Variants in GAL3ST2 observed in about 807,000 individuals in gnomAD.
GAL3ST2 encodes galactose-3-O-sulfotransferase 2, also known as beta-galactose-3-O-sulfotransferase 2.
GAL3ST2 carries 16 observed loss-of-function variants against 12.9 expected under a neutral mutation model. The observed-to-expected ratio is 1.24, with a 90% CI of 0.84 to 1.88. GAL3ST2 has a LOEUF of 1.88. GAL3ST2 is among the 40% of genes most tolerant of loss of function. The pLI is 0.00. For missense variants in GAL3ST2, 639 were observed against 571.8 expected (o/e 1.12, Z -1.20); for synonymous variants, 302 against 273.9 (o/e 1.10, Z -1.01).
chr2:241,796,979 T>A (rs953005770), intron 1 of GAL3ST2, among the ~76,000 whole-genome samples: 1 of 152,174 alleles, frequency 6.6e-6, no homozygotes, highest in African/African-American at 2.4e-5. Flanking sequence ...GCTGTTAGCA[T>A]GCACCTGGCC....
In GAL3ST2 at chr2:241,781,808, G is replaced by A. The variant is rs371936996; in HGVS notation, c.29+4824G>A. Among the ~76,000 whole-genome samples the A allele has an allele frequency of 1.3e-3, 193 of 152,310 alleles. 3 individuals are homozygous for A. The highest frequency in any genetic ancestry group is 4.2e-3 in the African/African-American group (176 of 41,566). On this transcript the variant is annotated intron_variant, in intron 1 of 3. Coordinates refer to ENST00000192314, the MANE Select transcript of GAL3ST2 (RefSeq NM_022134.3). ...CCTAATGTCTTAAAGGATTAATTAG[G>A]TCAGAAAAAGACGTAATTTATAATT...
chr2:241,780,243 G>A (rs978761716), intron 1 of GAL3ST2, among the ~76,000 whole-genome samples: 1 of 151,886 alleles, frequency 6.6e-6, no homozygotes, highest in Admixed American at 6.6e-5. Flanking sequence ...TTTTTTGGTT[G>A]GGTGTGGTGG....
chr2:241,777,121 C>T, intron 1 of GAL3ST2, 137 bp downstream of exon 1: 1 of 751,192 alleles, frequency 1.3e-6, no homozygotes, highest in Non-Finnish European at 1.9e-6. Flanking sequence ...CTCAGGCTTC[C>T]CTGAATTCAC....
Position 241,802,894 on chromosome 2 carries a change from G to C in GAL3ST2, c.376-451G>C, listed in dbSNP as rs1464980294. On this transcript the variant is annotated intron_variant, in intron 3 of 3. Transcript: ENST00000192314. The surrounding 1 kb of genome is among the most constrained non-coding windows in gnomAD (Gnocchi z 4.8). ...ACCTTCTCTGGGCCTCAGTTTCTTTGTCTGTTAGGTGGGTGTCACCCTGGC... is the reference window on the plus strand; with the variant it reads ...ACCTTCTCTGGGCCTCAGTTTCTTTCTCTGTTAGGTGGGTGTCACCCTGGC... Among the ~76,000 whole-genome samples, 1 of 152,222 alleles carries C rather than the reference G, an allele frequency of 6.6e-6. No homozygotes were observed. Among genetic ancestry groups the C allele is most frequent in the East Asian group, 1.9e-4 (1 of 5,172 alleles).
At position 241,800,349 on chromosome 2, in the gene GAL3ST2, AGCGGGCACTTC is replaced by A. The variant is rs1699826710; in HGVS notation, c.119+1197_119+1207del. Among the ~76,000 whole-genome samples, 1 of 121,982 alleles carries A rather than the reference AGCGGGCACTTC, an allele frequency of 8.2e-6. No homozygotes were observed. Among genetic ancestry groups the A allele is most frequent in the Admixed American group, 9.9e-5 (1 of 10,144 alleles). 80.0% of individuals were successfully genotyped at this position (121,982 alleles called of 152,430 possible). A position where few individuals can be genotyped will look rare whatever the true frequency, so the allele number is the denominator to read the frequency against. ...AGCACAGCCGCCGACCCAGGCTGGG[AGCGGGCACTTC>A]GAGGGAGGGGGTGGGACAGGGGCTT... On this transcript the variant is annotated intron_variant, in intron 2 of 3. Coordinates refer to ENST00000192314, the MANE Select transcript of GAL3ST2 (RefSeq NM_022134.3). The surrounding 1 kb of genome is among the most constrained non-coding windows in gnomAD (Gnocchi z 5.2).
rs1462224176 is a variant in GAL3ST2, at chr2:241,802,046, G to A, written c.375+10G>A. ...GTTCAACCTGCCTCAGGTACCGCGG[G>A]CCTGCTGGGGAGGAGGGCGGGCTGC... On this transcript the variant is annotated intron_variant, in intron 3 of 3. Coordinates refer to ENST00000192314, the MANE Select transcript of GAL3ST2 (RefSeq NM_022134.3). This position sits in a 1 kb window ranked among gnomAD's most constrained non-coding sequence, Gnocchi z 4.8. The A allele has an allele frequency of 5.0e-6, 8 of 1,602,724 alleles. No individual in the cohort carries two copies. Among genetic ancestry groups the A allele is most frequent in the Non-Finnish European group, 6.8e-6 (8 of 1,174,988 alleles).
chr2:241,787,079 T>G (rs1699635421), intron 1 of GAL3ST2, among the ~76,000 whole-genome samples: 1 of 152,182 alleles, frequency 6.6e-6, no homozygotes, highest in Admixed American at 6.5e-5. Context: ...TATCTACCTA[T>G]GACCTGGAAG....
Position 241,800,101 on chromosome 2 carries a change from C to T in GAL3ST2, c.119+947C>T, listed in dbSNP as rs117858952. Among the ~76,000 whole-genome samples the T allele has an allele frequency of 2.4e-3, 367 of 152,250 alleles. 15 individuals are homozygous for T. The East Asian group carries it at 0.052, about 21-fold the overall frequency. On this transcript the variant is annotated intron_variant, in intron 2 of 3. Transcript: ENST00000192314. This position sits in a 1 kb window ranked among gnomAD's most constrained non-coding sequence, Gnocchi z 5.2. ...TGTGTGGGCCAGAGTGTGTAGCCCC[C>T]GAGGGAAACAGGGATGGGTCTGAGG... is the stretch of plus-strand genomic sequence containing the variant.
In GAL3ST2 at chr2:241,803,741, G is replaced by A. The variant is rs1047354739; in HGVS notation, c.772G>A (p.Ala258Thr). 3.9e-6 allele frequency: 6 copies of A among 1,527,252 alleles called. No individual in the cohort carries two copies. The African/African-American group carries it at 7.2e-5, about 18-fold the overall frequency. The allele number at this position is 1,527,252 out of a possible 1,614,324, so 94.6% of individuals were successfully genotyped here. A position where few individuals can be genotyped will look rare whatever the true frequency, so the allele number is the denominator to read the frequency against. The change falls in exon 4 of 4, where the codon GCG (alanine) becomes ACG (threonine). Residue 258 changes from alanine (A) to threonine (T), a missense_variant. Physicochemically the swap from Ala to Thr is moderately conservative, Grantham distance 58. Transcript: ENST00000192314. ...VVAFRLNSRS[A>T]RSVARLSPET... ...GGCCTTCAGGCTCAACTCCCGCAGC[G>A]CGCGCTCCGTGGCCCGCCTGTCGCC...
chr2:241,803,964 C>T lies in GAL3ST2; in HGVS notation c.995C>T (p.Thr332Met), dbSNP rs1025316588. ...GACGGCGGCGCGCTCAAGAACCACA[C>T]GCAGATCAGAGACCCGCGCCTGCGC... The part of the protein sequence containing the change: ...LQDGGALKNH[T>M]QIRDPRLRPY... The change falls in exon 4 of 4, where the codon ACG becomes ATG. Residue 332 changes from threonine (T) to methionine (M), a missense_variant. By Grantham distance (81) the Thr-to-Met change is moderately conservative. Coordinates refer to ENST00000192314, the MANE Select transcript of GAL3ST2 (RefSeq NM_022134.3). 7 of 1,518,126 alleles carry T rather than the reference C, an allele frequency of 4.6e-6. No homozygotes were observed. The African/African-American group carries it at 5.7e-5, about 12-fold the overall frequency. The allele number at this position is 1,518,126 out of a possible 1,614,324, so 94.0% of individuals were successfully genotyped here. A position where few individuals can be genotyped will look rare whatever the true frequency, so the allele number is the denominator to read the frequency against.
Position 241,795,981 on chromosome 2 carries a change from G to A in GAL3ST2, c.30-3084G>A, listed in dbSNP as rs532467495. Among the ~76,000 whole-genome samples, 10 of 152,310 alleles carry A rather than the reference G, an allele frequency of 6.6e-5. No homozygotes were observed. Among genetic ancestry groups the A allele is most frequent in the African/African-American group, 1.9e-4 (8 of 41,568 alleles). On this transcript the variant is annotated intron_variant, in intron 1 of 3. Coordinates refer to ENST00000192314, the MANE Select transcript of GAL3ST2 (RefSeq NM_022134.3). The surrounding 1 kb of genome is among the most constrained non-coding windows in gnomAD (Gnocchi z 4.5). ...GGGAGGGCCTGGAAGCTCCTGTCCC[G>A]TCTCCTAGAAGCGTGGCTGTGGTGG...
intron 1 of GAL3ST2, among the ~76,000 whole-genome samples, chr2:241,791,878 C>T (rs781498745): frequency 3.3e-5 from 5 of 152,048 alleles, no homozygotes; most frequent in Non-Finnish European, 7.4e-5. Context: ...CTAATGTTTT[C>T]AAGTTTTATT....
At chr2:241,783,440 G>A (rs1699589368) in intron 1 of GAL3ST2, among the ~76,000 whole-genome samples, 1 of 150,726 alleles carries the variant, frequency 6.6e-6, no homozygotes, top group Non-Finnish European at 1.5e-5. Context: ...AAAATCCTCT[G>A]TATTGTTATA....
chr2:241,799,589 G>T (rs868141910), intron 2 of GAL3ST2, among the ~76,000 whole-genome samples: 5 of 152,320 alleles, frequency 3.3e-5, no homozygotes, highest in Non-Finnish European at 5.9e-5. Flanking sequence ...CCTCTGTGGA[G>T]CCCCTGCTGC....
rs767237194 is a variant in GAL3ST2 at position 241,799,081 on chromosome 2, C to A, written c.46C>A (p.Leu16Ile). The part of the protein sequence containing the change: ...GGLQRYFRVI[L>I]LLLLALTLLL... ...TTTCCACAGATACTTCCGGGTCATCCTCCTCCTCCTCCTGGCCCTGACTCT... is the reference window on the plus strand; with the variant it reads ...TTTCCACAGATACTTCCGGGTCATCATCCTCCTCCTCCTGGCCCTGACTCT... The change falls in exon 2 of 4, where the codon CTC becomes ATC. Residue 16 changes from leucine (L) to isoleucine (I), a missense_variant. By Grantham distance (5) the Leu-to-Ile change is conservative (BLOSUM62 2). Coordinates refer to ENST00000192314, the MANE Select transcript of GAL3ST2 (RefSeq NM_022134.3). The A allele has an allele frequency of 2.6e-6, 4 of 1,568,216 alleles. No individual in the cohort carries two copies. The East Asian group carries it at 9.0e-5, about 35-fold the overall frequency.
rs1699711133 is a variant in GAL3ST2, at chr2:241,792,948, T to C, written c.30-6117T>C. ...CAAAAGAATGCAACCATTTGTCTCTTACCTGCCTGTGACCTGGAAGTCCCC... is the reference window on the plus strand; with the variant it reads ...CAAAAGAATGCAACCATTTGTCTCTCACCTGCCTGTGACCTGGAAGTCCCC... On this transcript the variant is annotated intron_variant, in intron 1 of 3. Transcript: ENST00000192314. Among the ~76,000 whole-genome samples the C allele has an allele frequency of 1.3e-5, 2 of 152,192 alleles. 1 individual carries two copies. Among genetic ancestry groups the C allele is most frequent in the South Asian group, 4.1e-4 (2 of 4,830 alleles).
chr2:241,787,216 G>C (rs1207179294), intron 1 of GAL3ST2, among the ~76,000 whole-genome samples: 1 of 152,144 alleles, frequency 6.6e-6, no homozygotes, highest in Non-Finnish European at 1.5e-5. Context: ...ATAAAAAAAA[G>C]CTAAGCTGTG....
rs1699764949 is a variant in GAL3ST2 at position 241,795,710 on chromosome 2, T to C, written c.30-3355T>C. ...GGCAGAGCAGGAGCTCCGCTCTCAGTGTGGGGCCTCGTTTGGGTTTGGGAA... is the reference window on the plus strand; with the variant it reads ...GGCAGAGCAGGAGCTCCGCTCTCAGCGTGGGGCCTCGTTTGGGTTTGGGAA... On this transcript the variant is annotated intron_variant, in intron 1 of 3. Transcript: ENST00000192314. The surrounding 1 kb of genome is among the most constrained non-coding windows in gnomAD (Gnocchi z 4.5). Among the ~76,000 whole-genome samples, 1 of 152,240 alleles carries C rather than the reference T, an allele frequency of 6.6e-6. No homozygotes were observed. The highest frequency in any genetic ancestry group is 1.5e-5 in the Non-Finnish European group (1 of 68,042).
chr2:241,785,635 C>T (rs965483151), intron 1 of GAL3ST2, among the ~76,000 whole-genome samples: 5 of 151,610 alleles, frequency 3.3e-5, no homozygotes, highest in African/African-American at 1.2e-4. Context: ...GAGTCTGGCA[C>T]CTTCTTGGTT....
Sources: gnomAD v4.1 joint callset for allele counts (sites outside exome capture counted in the v4.1 genomes callset) on GRCh38, gnomAD v4.1.1 for gene constraint, Gnocchi (gnomAD v3.1) non-coding constraint, MANE v1.5 for transcripts, NCBI Gene and HGNC (gene_info 2026-07-23, HGNC 2026-07-21) for gene names.